Variants in HERC4 observed in about 807,000 individuals in gnomAD.
HERC4 encodes probable E3 ubiquitin-protein ligase HERC4.
HERC4 carries 28 observed loss-of-function variants against 124.3 expected under a neutral mutation model. The ratio of observed to expected loss-of-function variants is 0.23; its 90% confidence interval spans 0.17 to 0.31. The LOEUF (loss-of-function observed/expected upper bound fraction) is 0.31. Ranked by LOEUF, HERC4 falls within the 10% of genes least tolerant of loss-of-function variation. The pLI, the probability that HERC4 is intolerant of heterozygous loss-of-function variation, is 1.00. For synonymous variants in HERC4, 407 were observed against 421.5 expected, an observed-to-expected ratio of 0.97 and a Z score of 0.42; for missense variants, 713 against 1,229.3, an observed-to-expected ratio of 0.58 and a Z score of 6.28.
At position 67,988,848 on chromosome 10, in the gene HERC4, A is replaced by C; in HGVS notation, c.1634-13T>G. The C allele has an allele frequency of 6.4e-7, 1 of 1,567,172 alleles. No homozygotes were observed. Among genetic ancestry groups the C allele is most frequent in the Non-Finnish European group, 8.6e-7 (1 of 1,159,024 alleles). Reference sequence around the variant, plus strand: ...GACCACCAGTTTTCTGTTATTAAAAAGTGAACATGCAAATAAAATGAATTT... The same window carrying C: ...GACCACCAGTTTTCTGTTATTAAAACGTGAACATGCAAATAAAATGAATTT... On this transcript the variant is annotated splice_polypyrimidine_tract_variant and intron_variant, in intron 14 of 24. Coordinates refer to ENST00000373700, the MANE Select transcript of HERC4 (RefSeq NM_015601.4).
rs1256768087 is a variant in HERC4 at position 68,059,615 on chromosome 10, C to A, written c.226+13268G>T. 3.8e-4 allele frequency among the ~76,000 whole-genome samples: 24 copies of A among 63,644 alleles called. 1 individual carries two copies. The highest frequency in any genetic ancestry group is 2.4e-3 in the African/African-American group (21 of 8,832). 41.8% of individuals were successfully genotyped at this position (63,644 alleles called of 152,430 possible). A position where few individuals can be genotyped will look rare whatever the true frequency, so the allele number is the denominator to read the frequency against. ...TATTATATATCATAATATTATATAT[C>A]ATAATATTATATATCATAATATTAT... On this transcript the variant is annotated intron_variant, in intron 3 of 24. Transcript: ENST00000373700.
intron 3 of HERC4, among the ~76,000 whole-genome samples, chr10:68,051,101 C>CAAAA (rs755520085): frequency 1.0e-5 from 1 of 95,488 alleles, no homozygotes; most frequent in African/African-American, 4.0e-5. Context: ...ACCCAAAGAC[C>CAAAA]AAAAAAAAAA....
intron 4 of HERC4, among the ~76,000 whole-genome samples, chr10:68,042,324 C>T (rs985820073): frequency 2.0e-5 from 3 of 151,776 alleles, no homozygotes; most frequent in Admixed American, 1.3e-4. Context: ...ATTACTCTTA[C>T]GAAAATCTAT....
At chr10:67,932,507 T>C (rs1266195080) in intron 23 of HERC4, 90 bp downstream of exon 23, 4 of 1,073,742 alleles carry the variant, frequency 3.7e-6, no homozygotes, top group East Asian at 2.5e-5. Context: ...AGTAATAAAG[T>C]GTATAAAATA....
At chr10:68,035,342 G>T (rs1167418758) in intron 5 of HERC4, among the ~76,000 whole-genome samples, 1 of 151,946 alleles carries the variant, frequency 6.6e-6, no homozygotes, top group Non-Finnish European at 1.5e-5. Context: ...ATTTTTAGTA[G>T]AGGCAGGGTT....
At chr10:68,008,773 C>G (rs956700331) in intron 9 of HERC4, among the ~76,000 whole-genome samples, 3 of 152,098 alleles carry the variant, frequency 2.0e-5, no homozygotes, top group African/African-American at 7.2e-5. Flanking sequence ...GTAGAAACAA[C>G]CCAATCGTCC....
chr10:67,957,367 G>A (rs2132328526), intron 16 of HERC4, among the ~76,000 whole-genome samples: 1 of 152,288 alleles, frequency 6.6e-6, no homozygotes, highest in South Asian at 2.1e-4. Flanking sequence ...TAAGTAATCT[G>A]TCTATTCCTT....
At chr10:68,059,544 T>C (rs1177537867) in intron 3 of HERC4, among the ~76,000 whole-genome samples, 1 of 104,418 alleles carries the variant, frequency 9.6e-6, no homozygotes, top group Non-Finnish European at 1.9e-5. Context: ...TATCATATTA[T>C]ATATCATAAT....
At chr10:67,945,203 A>C (rs1160207391) in intron 19 of HERC4, among the ~76,000 whole-genome samples, 1 of 149,742 alleles carries the variant, frequency 6.7e-6, no homozygotes, top group Non-Finnish European at 1.5e-5. Context: ...TCCTGAAAGC[A>C]GCAAGAGAAA....
chr10:67,967,534 A>G (rs2034962417), intron 15 of HERC4, among the ~76,000 whole-genome samples: 1 of 152,196 alleles, frequency 6.6e-6, no homozygotes, highest in Non-Finnish European at 1.5e-5. Flanking sequence ...TCTGGACACG[A>G]TGTGAAAAAT....
Position 68,025,644 on chromosome 10 carries a change from C to T in HERC4, c.810G>A (p.Gly270=). The T allele has an allele frequency of 6.2e-7, 1 of 1,613,286 alleles. No individual in the cohort carries two copies. Among genetic ancestry groups the T allele is most frequent in the Non-Finnish European group, 8.5e-7 (1 of 1,179,678 alleles). Residue 270 remains glycine (G), a synonymous_variant, in exon 8 of 25, where the codon GGG becomes GGA. Coordinates refer to ENST00000373700, the MANE Select transcript of HERC4 (RefSeq NM_015601.4). ...EGGVFTFGAG[G]YGQLGHNSTS... ...TAGAATTATGGCCCAACTGACCATA[C>T]CCTCCAGCTCCAAAAGTAAACACTC... is the stretch of plus-strand genomic sequence containing the variant.
intron 8 of HERC4, among the ~76,000 whole-genome samples, chr10:68,025,333 A>G (rs2038845919): frequency 6.6e-6 from 1 of 152,178 alleles, no homozygotes; most frequent in Non-Finnish European, 1.5e-5. Flanking sequence ...CACTATTAAC[A>G]TCTTGCCTCA....
chr10:67,927,230 T>C (rs2031086914), intron 23 of HERC4, among the ~76,000 whole-genome samples: 1 of 151,826 alleles, frequency 6.6e-6, no homozygotes, highest in South Asian at 2.1e-4. Context: ...TAAAGTTTTT[T>C]TTTCTTTTAA....
intron 9 of HERC4, among the ~76,000 whole-genome samples, chr10:67,996,568 C>A (rs1446050470): frequency 6.6e-6 from 1 of 152,088 alleles, no homozygotes; most frequent in Non-Finnish European, 1.5e-5. Flanking sequence ...GGGTTAAAAT[C>A]ATTAATACTT....
chr10:67,940,351 G>GA (rs2032772712), intron 20 of HERC4, among the ~76,000 whole-genome samples: 1 of 151,432 alleles, frequency 6.6e-6, no homozygotes, highest in African/African-American at 2.4e-5. Context: ...ACCACTCTCA[G>GA]AAAAAAAATT....
chr10:68,046,832 G>A (rs1564590208), intron 3 of HERC4, among the ~76,000 whole-genome samples: 4 of 152,062 alleles, frequency 2.6e-5, no homozygotes, highest in South Asian at 4.1e-4. Flanking sequence ...TTAGCCAAGC[G>A]TGGTGGCACA....
intron 22 of HERC4, among the ~76,000 whole-genome samples, chr10:67,933,010 C>T (rs2031988684): frequency 6.6e-6 from 1 of 152,148 alleles, no homozygotes; most frequent in South Asian, 2.1e-4. Flanking sequence ...TATTCTTAGG[C>T]TATTCCTAAT....
intron 15 of HERC4, among the ~76,000 whole-genome samples, chr10:67,968,780 C>T (rs1040785776): frequency 2.0e-5 from 3 of 152,016 alleles, no homozygotes; most frequent in African/African-American, 7.3e-5. Context: ...TCACAACAAT[C>T]CAAAAACAGC....
At chr10:68,049,371 T>C (rs189802849) in intron 3 of HERC4, among the ~76,000 whole-genome samples, 49 of 151,904 alleles carry the variant, frequency 3.2e-4, no homozygotes, top group Non-Finnish European at 6.0e-4. Context: ...TTTTAAAACT[T>C]TGGAAAGATA....
Sources: gnomAD v4.1 joint callset for allele counts (sites outside exome capture counted in the v4.1 genomes callset) on GRCh38, gnomAD v4.1.1 for gene constraint, MANE v1.5 for transcripts, NCBI Gene and HGNC (gene_info 2026-07-23, HGNC 2026-07-21) for gene names.